EYA2: variants seen among roughly 807,000 people sequenced by gnomAD.
EYA2 encodes the protein EYA transcriptional coactivator and phosphatase 2, also known as protein phosphatase EYA2.
In EYA2, 31 loss-of-function variants were observed where a neutral mutation model predicts 69.2. The ratio of observed to expected loss-of-function variants is 0.45; its 90% CI spans 0.34 to 0.60. The LOEUF is 0.60. EYA2 is among the 20% of genes least tolerant of loss of function. EYA2 has a pLI of 0.02. For synonymous variants in EYA2, 257 were observed against 279.4 expected (o/e 0.92, Z 0.80); for missense variants, 622 against 701.2 (o/e 0.89, Z 1.28).
intron 10 of EYA2, among the ~76,000 whole-genome samples, chr20:47,156,125 CACATATATATATATATATAT>C (rs1568814177): frequency 8.6e-4 from 19 of 22,120 alleles, no homozygotes; most frequent in African/African-American, 3.3e-3. Context: ...CACACACACA[CACATATATATATATATATAT>C]ATATATATAT....
chr20:46,979,439 AG>A (rs1347059303), intron 1 of EYA2: 7 of 152,200 alleles, frequency 4.6e-5, no homozygotes, highest in Admixed American at 1.3e-4. Flanking sequence ...CCAGGCTATC[AG>A]GGTTTTGCAA....
At chr20:46,976,742 T>A (rs1315252297) in intron 1 of EYA2, among the ~76,000 whole-genome samples, 1 of 152,200 alleles carries the variant, frequency 6.6e-6, no homozygotes, top group Non-Finnish European at 1.5e-5. Context: ...GCACAAGGGA[T>A]GAAGACATGG....
chr20:47,064,586 C>T (rs766975144), intron 5 of EYA2, among the ~76,000 whole-genome samples: 4 of 152,152 alleles, frequency 2.6e-5, no homozygotes, highest in African/African-American at 4.8e-5. Context: ...TTTTATGCAC[C>T]GTTTTACATT....
chr20:47,014,029 G>A (rs890541879), intron 4 of EYA2, among the ~76,000 whole-genome samples: 1 of 152,180 alleles, frequency 6.6e-6, no homozygotes, highest in African/African-American at 2.4e-5. Context: ...TAAAATGAAG[G>A]AAGTAATATA....
chr20:46,903,047 G>A (rs1406296925), intron 1 of EYA2, among the ~76,000 whole-genome samples: 1 of 152,234 alleles, frequency 6.6e-6, no homozygotes, highest in Non-Finnish European at 1.5e-5. Flanking sequence ...ACATTGCACA[G>A]TGATAGGGGA....
At chr20:46,973,014 G>C (rs1317069489) in intron 1 of EYA2, among the ~76,000 whole-genome samples, 1 of 152,194 alleles carries the variant, frequency 6.6e-6, no homozygotes, top group Non-Finnish European at 1.5e-5. Context: ...TCAGATCGGA[G>C]GTTAATGGGG....
chr20:47,164,551 G>T lies in EYA2; in HGVS notation c.979-4588G>T, dbSNP rs556805100. ...TATCTGCTGTTTCCTCTGCGCCTGGGTCTGTAAAGTCAGCGGTTGCCGTTT... is the reference window on the plus strand; with the variant it reads ...TATCTGCTGTTTCCTCTGCGCCTGGTTCTGTAAAGTCAGCGGTTGCCGTTT... On this transcript the variant is annotated intron_variant, in intron 10 of 15. Coordinates refer to ENST00000327619, the MANE Select transcript of EYA2 (RefSeq NM_005244.5). Among the ~76,000 whole-genome samples, 6 of 152,278 alleles carry T rather than the reference G, an allele frequency of 3.9e-5. No homozygotes were observed. In the South Asian group the frequency reaches 1.2e-3, roughly 32 times the overall value.
chr20:46,898,636 C>G (rs1368315197), intron 1 of EYA2, among the ~76,000 whole-genome samples: 2 of 152,194 alleles, frequency 1.3e-5, no homozygotes, highest in African/African-American at 4.8e-5. Flanking sequence ...AAGATCGTAA[C>G]TGGCCTAATG....
chr20:47,131,365 A>G (rs2033338211), intron 9 of EYA2, among the ~76,000 whole-genome samples: 1 of 152,210 alleles, frequency 6.6e-6, no homozygotes, highest in African/African-American at 2.4e-5. Flanking sequence ...GTCTAGGCGG[A>G]GGTGCCACAC....
chr20:47,133,451 CAG>C (rs2033389929), intron 9 of EYA2, among the ~76,000 whole-genome samples: 1 of 152,224 alleles, frequency 6.6e-6, no homozygotes, highest in South Asian at 2.1e-4. Context: ...TGCTCATTCT[CAG>C]AGAGATTGGG....
chr20:46,904,239 C>T (rs1984250452), intron 1 of EYA2, among the ~76,000 whole-genome samples: 1 of 152,106 alleles, frequency 6.6e-6, no homozygotes, highest in African/African-American at 2.4e-5. Flanking sequence ...GAGCACAGAG[C>T]AGGGTGTTTG....
chr20:47,024,529 C>A (rs1443748629), intron 5 of EYA2, among the ~76,000 whole-genome samples: 2 of 152,220 alleles, frequency 1.3e-5, no homozygotes, highest in Admixed American at 6.5e-5. Flanking sequence ...TCTCAGGTGG[C>A]CACTCAAGGG....
At chr20:46,976,857 A>G (rs1980498384) in intron 1 of EYA2, among the ~76,000 whole-genome samples, 2 of 152,188 alleles carry the variant, frequency 1.3e-5, no homozygotes, top group East Asian at 1.9e-4. Flanking sequence ...TCCTTGGGGT[A>G]TCACTTCTAG....
At chr20:46,918,996 T>C (rs942998751) in intron 1 of EYA2, among the ~76,000 whole-genome samples, 8 of 152,220 alleles carry the variant, frequency 5.3e-5, no homozygotes, top group African/African-American at 1.9e-4. Flanking sequence ...ACGTGGACTG[T>C]TGTGAGCAGT....
At chr20:47,173,337 A>C (rs2034363257) in intron 12 of EYA2, among the ~76,000 whole-genome samples, 1 of 151,698 alleles carries the variant, frequency 6.6e-6, no homozygotes, top group African/African-American at 2.4e-5. Context: ...ATCCCCCTGG[A>C]ATCGGGAGGA....
chr20:46,902,336 T>C (rs762679834), intron 1 of EYA2, among the ~76,000 whole-genome samples: 2 of 152,272 alleles, frequency 1.3e-5, no homozygotes, highest in African/African-American at 2.4e-5. Flanking sequence ...TGAACACTTA[T>C]TATTTATTGA....
intron 8 of EYA2, among the ~76,000 whole-genome samples, chr20:47,090,831 C>T (rs1454120097): frequency 3.9e-5 from 6 of 152,140 alleles, no homozygotes; most frequent in South Asian, 4.1e-4. Flanking sequence ...AAAAACAAAA[C>T]ATTATGCCTA....
chr20:47,136,192 C>T (rs1245700804), intron 9 of EYA2, among the ~76,000 whole-genome samples: 1 of 152,110 alleles, frequency 6.6e-6, no homozygotes, highest in Admixed American at 6.5e-5. Context: ...TACAATACGG[C>T]ATAAATTGGA....
At chr20:47,047,615 G>A (rs1472947410) in intron 5 of EYA2, among the ~76,000 whole-genome samples, 4 of 152,136 alleles carry the variant, frequency 2.6e-5, no homozygotes, top group African/African-American at 9.7e-5. Flanking sequence ...TTGAACACCT[G>A]ACCTCAGATA....
Sources: gnomAD v4.1 joint callset for allele counts (sites outside exome capture counted in the v4.1 genomes callset) on GRCh38, gnomAD v4.1.1 for gene constraint, MANE v1.5 for transcripts, NCBI Gene and HGNC (gene_info 2026-07-23, HGNC 2026-07-21) for gene names.